ZFP3: variants seen among roughly 807,000 people sequenced by gnomAD.
ZFP3 encodes the protein zinc finger protein 3 homolog.
Under a neutral mutation model 36.7 loss-of-function variants are expected in ZFP3, and 18 were observed. That is an observed-to-expected ratio of 0.49 (90% CI 0.34 to 0.73). The LOEUF (loss-of-function observed/expected upper bound fraction) is 0.73, where lower values mean the gene tolerates loss of function less well. Ranked by LOEUF, ZFP3 falls within the 30% of genes least tolerant of loss-of-function variation. ZFP3 has a pLI of 0.01. For missense variants in ZFP3, 495 were observed against 599.0 expected, an observed-to-expected ratio of 0.83 and a Z score of 1.81; for synonymous variants, 218 against 199.0, an observed-to-expected ratio of 1.10 and a Z score of -0.81.
chr17:5,092,237 A>G lies in ZFP3; in HGVS notation c.733A>G (p.Arg245Gly). 1 of 1,614,216 alleles carries G rather than the reference A, an allele frequency of 6.2e-7. No individual in the cohort carries two copies. Among genetic ancestry groups the G allele is most frequent in the Non-Finnish European group, 8.5e-7 (1 of 1,180,040 alleles). ...SQNSALILHQ[R>G]IHTGEKPYEC... is the part of the protein sequence containing the mutation. ...AAATTCAGCCCTTATTCTACACCAG[A>G]GAATCCATACTGGAGAGAAACCATA... Residue 245 changes from arginine (R) to glycine (G), a missense_variant, in exon 2 of 2, where the codon AGA (arginine) becomes GGA (glycine). Transcript: ENST00000318833. The surrounding 1 kb of genome is among the most constrained non-coding windows in gnomAD (Gnocchi z 5.0).
chr17:5,079,069 A>T (rs1315542333), intron 1 of ZFP3, among the ~76,000 whole-genome samples: 1 of 152,188 alleles, frequency 6.6e-6, no homozygotes, highest in East Asian at 1.9e-4. Flanking sequence ...TCAGAGGGAG[A>T]AGAGAGGAAA....
rs1195187578 is a variant in ZFP3, at chr17:5,093,150, A to G, written c.*137A>G. 5.1e-6 allele frequency: 5 copies of G among 989,790 alleles called. No individual in the cohort carries two copies. Among genetic ancestry groups the G allele is most frequent in the South Asian group, 2.2e-5 (1 of 44,688 alleles). The allele number at this position is 989,790 out of a possible 1,614,324, so 61.3% of individuals were successfully genotyped here. A position where few individuals can be genotyped will look rare whatever the true frequency, so the allele number is the denominator to read the frequency against. ...TCCTCTGTCCTCCCACTGATTTTAA[A>G]TAGTTGGTTGAAGAAGATGAGGCAC... On this transcript the variant is annotated 3_prime_UTR_variant, in exon 2 of 2. Coordinates refer to ENST00000318833, the MANE Select transcript of ZFP3 (RefSeq NM_153018.3).
rs1286116042 is a variant in ZFP3 at position 5,093,077 on chromosome 17, A to G, written c.*64A>G. ...TCCAACTTATTCATTTGTTCATAAT[A>G]TGCAAATATGCACCCCAAGTATTCA... On this transcript the variant is annotated 3_prime_UTR_variant, in exon 2 of 2. Coordinates refer to ENST00000318833, the MANE Select transcript of ZFP3 (RefSeq NM_153018.3). The G allele has an allele frequency of 4.8e-6, 7 of 1,453,218 alleles. No homozygotes were observed. The Admixed American group carries it at 1.6e-4, about 34-fold the overall frequency. The allele number at this position is 1,453,218 out of a possible 1,614,324, so 90.0% of individuals were successfully genotyped here. A position where few individuals can be genotyped will look rare whatever the true frequency, so the allele number is the denominator to read the frequency against.
At position 5,094,710 on chromosome 17, in the gene ZFP3, T is replaced by C. The variant is rs148461365; in HGVS notation, c.*1697T>C. On this transcript the variant is annotated 3_prime_UTR_variant, in exon 2 of 2. Transcript: ENST00000318833. ...CACTAATATTAGTCACTAATATTTA[T>C]TGAGTGTTTACTACCTGACAGGCAG... 64 of 167,268 alleles carry C rather than the reference T, an allele frequency of 3.8e-4. No individual in the cohort carries two copies. Among genetic ancestry groups the C allele is most frequent in the African/African-American group, 1.5e-3 (62 of 41,602 alleles). 10.4% of individuals were successfully genotyped at this position (167,268 alleles called of 1,614,324 possible).
At chr17:5,082,607 A>G (rs139705151) in intron 1 of ZFP3, among the ~76,000 whole-genome samples, 1,867 of 152,180 alleles carry the variant, frequency 0.012, 47 homozygotes, top group East Asian at 0.056. Context: ...AGCTCACTGC[A>G]TCCTTCACCT....
In ZFP3 at chr17:5,094,621, T is replaced by C. The variant is rs1396264676; in HGVS notation, c.*1608T>C. On this transcript the variant is annotated 3_prime_UTR_variant, in exon 2 of 2. Coordinates refer to ENST00000318833, the MANE Select transcript of ZFP3 (RefSeq NM_153018.3). ...TCAAAAGTTTCAACCAGCCCGATAA[T>C]TCCTTAATTCTTTAAAAATTTAACT... The C allele has an allele frequency of 6.0e-6, 1 of 167,106 alleles. No individual in the cohort carries two copies. The highest frequency in any genetic ancestry group is 2.4e-5 in the African/African-American group (1 of 41,460). The allele number at this position is 167,106 out of a possible 1,614,324, so 10.4% of individuals were successfully genotyped here.
chr17:5,081,677 C>G (rs1315433080), intron 1 of ZFP3, among the ~76,000 whole-genome samples: 1 of 151,682 alleles, frequency 6.6e-6, no homozygotes, highest in Non-Finnish European at 1.5e-5. Flanking sequence ...TCTTGGCTCA[C>G]TGCAAGCTCT....
chr17:5,082,741 GCTGGTCT>G, intron 1 of ZFP3, among the ~76,000 whole-genome samples: 1 of 152,242 alleles, frequency 6.6e-6, no homozygotes, highest in African/African-American at 2.4e-5. Flanking sequence ...TGTTGGCCAG[GCTGGTCT>G]CAAACTCCTG....
Position 5,091,715 on chromosome 17 carries a change from T to C in ZFP3, c.211T>C (p.Ser71Pro). The change falls in exon 2 of 2, where the codon TCA (serine) becomes CCA (proline). Residue 71 changes from serine (S) to proline (P), a missense_variant. This residue lies in a region of ZFP3 where 229 missense variants were observed against 233.8 expected (regional missense o/e 0.98). Transcript: ENST00000318833. Reference protein sequence around the residue: ...QMSPQERDFPSGLMIFKKSPS... With the variant: ...QMSPQERDFPPGLMIFKKSPS... ...GTCTCCTCAGGAGAGAGACTTTCCA[T>C]CAGGGTTGATGATCTTTAAGAAATC... 1 of 1,614,172 alleles carries C rather than the reference T, an allele frequency of 6.2e-7. No individual in the cohort carries two copies. The highest frequency in any genetic ancestry group is 8.5e-7 in the Non-Finnish European group (1 of 1,180,028).
intron 1 of ZFP3, among the ~76,000 whole-genome samples, chr17:5,085,668 C>T (rs996196207): frequency 2.0e-5 from 3 of 152,192 alleles, no homozygotes; most frequent in African/African-American, 4.8e-5. Context: ...ACACCCGGCC[C>T]TGAATTTGAG....
chr17:5,095,528 C>G lies in ZFP3; in HGVS notation c.*2515C>G, dbSNP rs2072176280. On this transcript the variant is annotated 3_prime_UTR_variant, in exon 2 of 2. Coordinates refer to ENST00000318833, the MANE Select transcript of ZFP3 (RefSeq NM_153018.3). ...GTCAGCCCTGACAGAGAATTTGGCA[C>G]CCCTTCAAGCTTCTCCTAAACAATC... 1 of 166,948 alleles carries G rather than the reference C, an allele frequency of 6.0e-6. No individual in the cohort carries two copies. The highest frequency in any genetic ancestry group is 2.4e-5 in the African/African-American group (1 of 41,388). 10.3% of individuals were successfully genotyped at this position (166,948 alleles called of 1,614,324 possible).
At chr17:5,080,059 G>C (rs2072085632) in intron 1 of ZFP3, among the ~76,000 whole-genome samples, 1 of 151,866 alleles carries the variant, frequency 6.6e-6, no homozygotes, top group Non-Finnish European at 1.5e-5. Flanking sequence ...AAAAAAAATA[G>C]GTATCGTGGT....
intron 1 of ZFP3, among the ~76,000 whole-genome samples, chr17:5,085,703 G>C (rs142268877): frequency 6.6e-6 from 1 of 152,298 alleles, no homozygotes; most frequent in East Asian, 1.9e-4. Context: ...CTGGTTACTT[G>C]ACTGGGGATA....
chr17:5,092,925 A>G lies in ZFP3; in HGVS notation c.1421A>G (p.Glu474Gly). ...LIIHQRIHTGEKPYECQECQK... is the reference protein window; with the variant it reads ...LIIHQRIHTGGKPYECQECQK... Reference sequence around the variant, plus strand: ...ATACATCAGAGAATTCACACTGGAGAGAAGCCTTATGAGTGCCAAGAATGT... The same window carrying G: ...ATACATCAGAGAATTCACACTGGAGGGAAGCCTTATGAGTGCCAAGAATGT... The change falls in exon 2 of 2, where the codon GAG becomes GGG. Residue 474 changes from glutamate to glycine, a missense_variant. By Grantham distance (98) the Glu-to-Gly change is moderately conservative (BLOSUM62 -2). This residue lies in a region of ZFP3 where 163 missense variants were observed against 178.4 expected (regional missense o/e 0.91). Transcript: ENST00000318833. This position sits in a 1 kb window ranked among gnomAD's most constrained non-coding sequence, Gnocchi z 5.0. The G allele has an allele frequency of 3.1e-6, 5 of 1,614,158 alleles. No individual in the cohort carries two copies. The highest frequency in any genetic ancestry group is 4.2e-6 in the Non-Finnish European group (5 of 1,180,028).
chr17:5,089,808 A>G (rs749341135), intron 1 of ZFP3, among the ~76,000 whole-genome samples: 5 of 152,000 alleles, frequency 3.3e-5, no homozygotes, highest in Non-Finnish European at 5.9e-5. Flanking sequence ...GACACATGCC[A>G]CTGCCCCTGG....
rs1004634219 is a variant in ZFP3 at position 5,090,757 on chromosome 17, G to A, written c.-8-740G>A. Among the ~76,000 whole-genome samples the A allele has an allele frequency of 4.6e-5, 7 of 151,698 alleles. No homozygotes were observed. In the East Asian group the frequency reaches 5.8e-4, roughly 13 times the overall value. On this transcript the variant is annotated intron_variant, in intron 1 of 1. Coordinates refer to ENST00000318833, the MANE Select transcript of ZFP3 (RefSeq NM_153018.3). ...GCAGTCTCCACTTATTGCAACCTCC[G>A]CCTCCCTGGTTCAAGCAATTGTCCT... is the stretch of plus-strand genomic sequence containing the variant.
Position 5,092,280 on chromosome 17 carries a change from G to C in ZFP3, c.776G>C (p.Gly259Ala), listed in dbSNP as rs1567750251. ...AAACCATATGAATGTAATGAATGTG[G>C]GAAGACCTTTAGGGTTAGTTCACAG... ...GEKPYECNEC[G>A]KTFRVSSQLI... Residue 259 changes from glycine to alanine, a missense_variant, in exon 2 of 2, where the codon GGG (glycine) becomes GCG (alanine). Gly to Ala is a moderately conservative substitution (Grantham distance 60). This residue lies in a region of ZFP3 where 103 missense variants were observed against 186.8 expected (regional missense o/e 0.55). Transcript: ENST00000318833. This position sits in a 1 kb window ranked among gnomAD's most constrained non-coding sequence, Gnocchi z 5.0. 3 of 1,613,988 alleles carry C rather than the reference G, an allele frequency of 1.9e-6. No individual in the cohort carries two copies. Among genetic ancestry groups the C allele is most frequent in the Middle Eastern group, 1.6e-4 (1 of 6,062 alleles).
chr17:5,091,704 G>A lies in ZFP3; in HGVS notation c.200G>A (p.Arg67Lys), dbSNP rs532756704. 13 of 1,614,218 alleles carry A rather than the reference G, an allele frequency of 8.1e-6. No homozygotes were observed. In the African/African-American group the frequency reaches 1.3e-4, roughly 17 times the overall value. The change falls in exon 2 of 2, where the codon AGA becomes AAA. Residue 67 changes from arginine (R) to lysine (K), a missense_variant. Arg to Lys is a conservative substitution (Grantham distance 26, BLOSUM62 2). Transcript: ENST00000318833. ...EVIEQMSPQE[R>K]DFPSGLMIFK... ...ATAGAGCAGATGTCTCCTCAGGAGA[G>A]AGACTTTCCATCAGGGTTGATGATC...
chr17:5,086,391 T>G (rs115597984), intron 1 of ZFP3, among the ~76,000 whole-genome samples: 1 of 152,154 alleles, frequency 6.6e-6, no homozygotes, highest in Non-Finnish European at 1.5e-5. Flanking sequence ...ACCTTTCCCC[T>G]TCCCTTACCA....
Sources: allele counts gnomAD v4.1 joint callset (sites outside exome capture counted in the v4.1 genomes callset), GRCh38; gene constraint gnomAD v4.1.1; regional missense constraint gnomAD v4.1.1; non-coding constraint Gnocchi (gnomAD v3.1); transcripts MANE v1.5; gene names NCBI Gene and HGNC (gene_info 2026-07-23, HGNC 2026-07-21).